The following NEURL4 variants were observed in gnomAD, a reference collection of about 807,000 sequenced individuals.
NEURL4 encodes the protein neuralized-like protein 4.
Under a neutral mutation model 148.0 loss-of-function variants are expected in NEURL4, and 45 were observed. The ratio of observed to expected loss-of-function variants is 0.30; its 90% CI spans 0.24 to 0.39. The LOEUF (loss-of-function observed/expected upper bound fraction) is 0.39, where lower values mean the gene tolerates loss of function less well. Among genes scored for constraint, NEURL4 ranks in the 10% least tolerant of loss-of-function variants. The pLI, the probability that NEURL4 is intolerant of heterozygous loss-of-function variation, is 1.00. For missense variants in NEURL4, 1,776 were observed against 2,144.0 expected, an observed-to-expected ratio of 0.83 and a Z score of 3.39; for synonymous variants, 854 against 869.0, an observed-to-expected ratio of 0.98 and a Z score of 0.30.
In NEURL4 at chr17:7,318,500, C is replaced by T; in HGVS notation, c.3859G>A (p.Glu1287Lys). Residue 1287 changes from glutamate to lysine, a missense_variant, in exon 23 of 29, where the codon GAG becomes AAG. Coordinates refer to ENST00000399464, the MANE Select transcript of NEURL4 (RefSeq NM_032442.3). This position sits in a 1 kb window ranked among gnomAD's most constrained non-coding sequence, Gnocchi z 4.3. The stretch of plus-strand genomic sequence containing the variant: ...CTGCCCCCACTGCCACTAACCTGCT[C>T]ACACTGCCCATAGAGGTCCACAAGC... ...HALVDLYGQC[E>K]QVTIVNPEPG... 6.2e-7 allele frequency: 1 copy of T among 1,606,948 alleles called. No individual in the cohort carries two copies. The highest frequency in any genetic ancestry group is 8.5e-7 in the Non-Finnish European group (1 of 1,175,678).
chr17:7,321,132 C>T lies in NEURL4; in HGVS notation c.3340G>A (p.Gly1114Ser). 6.2e-7 allele frequency: 1 copy of T among 1,613,808 alleles called. No homozygotes were observed. The highest frequency in any genetic ancestry group is 8.5e-7 in the Non-Finnish European group (1 of 1,179,968). The change falls in exon 20 of 29, where the codon GGC (glycine) becomes AGC (serine). Residue 1114 changes from glycine (G) to serine (S), a missense_variant. Coordinates refer to ENST00000399464, the MANE Select transcript of NEURL4 (RefSeq NM_032442.3). The surrounding 1 kb of genome is among the most constrained non-coding windows in gnomAD (Gnocchi z 6.3). ...TGSEGEEDDEGEEHGLGGQNE... is the reference protein window; with the variant it reads ...TGSEGEEDDESEEHGLGGQNE... ...CTTACTCCCAGGCCATGCTCCTCGC[C>T]CTCGTCATCCTCCTCGCCCTCACTG...
Position 7,323,130 on chromosome 17 carries a change from G to C in NEURL4, c.2418-7C>G. 2 of 1,607,854 alleles carry C rather than the reference G, an allele frequency of 1.2e-6. No individual in the cohort carries two copies. The highest frequency in any genetic ancestry group is 1.7e-6 in the Non-Finnish European group (2 of 1,175,406). On this transcript the variant is annotated splice_polypyrimidine_tract_variant and splice_region_variant and intron_variant, in intron 14 of 28. Transcript: ENST00000399464. ...TTGCATGATGGCTGTACCACTGGGG[G>C]GATGGCAGAAGGGGTGAGTCAGCCT...
Position 7,324,159 on chromosome 17 carries a change from C to A in NEURL4, c.2011G>T (p.Val671Phe). 6.2e-7 allele frequency: 1 copy of A among 1,613,776 alleles called. No homozygotes were observed. ...AWNVPPGVYA[V>F]VDLYGQAAQA... ...GCCGCCTGGCCATAGAGATCGACGA[C>A]AGCATAGACGCCCGGGGGCACGTTC... is the stretch of plus-strand genomic sequence containing the variant. Residue 671 changes from valine to phenylalanine, a missense_variant, in exon 11 of 29, where the codon GTC becomes TTC. Physicochemically the swap from Val to Phe is conservative, Grantham distance 50 (BLOSUM62 -1). Transcript: ENST00000399464. The surrounding 1 kb of genome is among the most constrained non-coding windows in gnomAD (Gnocchi z 5.9).
At chr17:7,323,343 C>A in intron 14 of NEURL4, 142 bp downstream of exon 14, 1 of 999,686 alleles carries the variant, frequency 1.0e-6, no homozygotes, top group Non-Finnish European at 1.5e-6. Context: ...CTGGGCAGGA[C>A]TTCCCAGAAT....
chr17:7,321,366 C>A lies in NEURL4; in HGVS notation c.3193G>T (p.Ala1065Ser), dbSNP rs748523029. 6.2e-7 allele frequency: 1 copy of A among 1,614,048 alleles called. No individual in the cohort carries two copies. Residue 1065 changes from alanine to serine, a missense_variant, in exon 19 of 29, where the codon GCC becomes TCC. Ala to Ser is a moderately conservative substitution (Grantham distance 99). Coordinates refer to ENST00000399464, the MANE Select transcript of NEURL4 (RefSeq NM_032442.3). The surrounding 1 kb of genome is among the most constrained non-coding windows in gnomAD (Gnocchi z 6.3). ...AAGGAAGCGTTCAGGTCTACCTTGG[C>A]AATGCCAGTGGCTGCAGGCCCCATA... ...EDMGPAATGI[A>S]KNVWAVLDLY...
rs2073026484 is a variant in NEURL4 at position 7,321,095 on chromosome 17, A to G, written c.3360+17T>C. The G allele has an allele frequency of 1.9e-6, 3 of 1,612,160 alleles. No individual in the cohort carries two copies. The highest frequency in any genetic ancestry group is 2.5e-6 in the Non-Finnish European group (3 of 1,179,022). On this transcript the variant is annotated intron_variant, in intron 20 of 28. Transcript: ENST00000399464. This position sits in a 1 kb window ranked among gnomAD's most constrained non-coding sequence, Gnocchi z 6.3. ...TGCCCATCCATGTGCACAGCAGACC[A>G]TGCTGCAGCCTCTTACTCCCAGGCC...
In NEURL4 at chr17:7,315,989, A is replaced by G. The variant is rs1182577828; in HGVS notation, c.*134T>C. 2 of 656,108 alleles carry G rather than the reference A, an allele frequency of 3.0e-6. No homozygotes were observed. The highest frequency in any genetic ancestry group is 5.6e-6 in the Non-Finnish European group (2 of 357,916). 40.6% of individuals were successfully genotyped at this position (656,108 alleles called of 1,614,324 possible). On this transcript the variant is annotated 3_prime_UTR_variant, in exon 29 of 29. Coordinates refer to ENST00000399464, the MANE Select transcript of NEURL4 (RefSeq NM_032442.3). ...GCCACCTACATCTGAGAGCCTGCCT[A>G]CATGCTCCTGCGCGGCTGCCAAGCT...
chr17:7,318,245 C>G lies in NEURL4; in HGVS notation c.3952+24G>C. ...GAGGGTGGGGGAGTAGGGGCAGGAG[C>G]TGGGTCCCTTTGGGCTGGCACACCG... On this transcript the variant is annotated intron_variant, in intron 24 of 28. Coordinates refer to ENST00000399464, the MANE Select transcript of NEURL4 (RefSeq NM_032442.3). The surrounding 1 kb of genome is among the most constrained non-coding windows in gnomAD (Gnocchi z 4.3). 1 of 1,612,942 alleles carries G rather than the reference C, an allele frequency of 6.2e-7. No homozygotes were observed. Among genetic ancestry groups the G allele is most frequent in the Non-Finnish European group, 8.5e-7 (1 of 1,178,906 alleles).
Position 7,325,314 on chromosome 17 carries a change from C to A in NEURL4, c.1526G>T (p.Arg509Leu). 6.2e-7 allele frequency: 1 copy of A among 1,612,826 alleles called. No homozygotes were observed. Among genetic ancestry groups the A allele is most frequent in the Non-Finnish European group, 8.5e-7 (1 of 1,179,626 alleles). The change falls in exon 8 of 29, where the codon CGT becomes CTT. Residue 509 changes from arginine (R) to leucine (L), a missense_variant. Transcript: ENST00000399464. ...RALSPEGALR[R>L]AAPAAQAEPE... is the part of the protein sequence containing the mutation. ...TTCTGCCTGGGCGGCAGGGGCAGCA[C>A]GGCGGAGAGCACCCTCGGGGGACAG... is the stretch of plus-strand genomic sequence containing the variant.
rs936182216 is a variant in NEURL4 at position 7,315,731 on chromosome 17, G to A, written c.*392C>T. The A allele has an allele frequency of 2.2e-6, 1 of 454,704 alleles. No individual in the cohort carries two copies. Among genetic ancestry groups the A allele is most frequent in the South Asian group, 5.0e-5 (1 of 20,024 alleles). 28.2% of individuals were successfully genotyped at this position (454,704 alleles called of 1,614,324 possible). On this transcript the variant is annotated 3_prime_UTR_variant, in exon 29 of 29. Transcript: ENST00000399464. ...CGCCCACCCTTCCCCACTCCCGCCC[G>A]GTGGCCCCGGAAAAAGCAGCTTCAT...
chr17:7,326,698 G>T lies in NEURL4; in HGVS notation c.1092+13C>A, dbSNP rs765887881. The T allele has an allele frequency of 6.2e-7, 1 of 1,608,846 alleles. No individual in the cohort carries two copies. The highest frequency in any genetic ancestry group is 1.7e-5 in the Admixed American group (1 of 58,652). On this transcript the variant is annotated intron_variant, in intron 4 of 28. Transcript: ENST00000399464. The surrounding 1 kb of genome is among the most constrained non-coding windows in gnomAD (Gnocchi z 6.0). ...GGGATAAGGCGCCAACCAGACCACA[G>T]GACTTTGCACACCTCAAACATCTCA...
rs749293128 is a variant in NEURL4 at position 7,316,460 on chromosome 17, G to A, written c.4485-133C>T. ...ACCTTATGGGAACTTCGCTCTAGCT[G>A]TTCTACCTGAAATGCTCTTCCTCCC... On this transcript the variant is annotated intron_variant, in intron 28 of 28. Transcript: ENST00000399464. The A allele has an allele frequency of 9.4e-5, 64 of 677,848 alleles. No homozygotes were observed. In the East Asian group the frequency reaches 1.3e-3, roughly 14 times the overall value. The allele number at this position is 677,848 out of a possible 1,614,324, so 42.0% of individuals were successfully genotyped here.
Position 7,326,769 on chromosome 17 carries a change from T to G in NEURL4, c.1034A>C (p.Glu345Ala), listed in dbSNP as rs1439678111. ...GGTCATGACAACCCCATTGTTGAATTCATCCAGGGGCCGCCGGCGCTCAGC... is the reference window on the plus strand; with the variant it reads ...GGTCATGACAACCCCATTGTTGAATGCATCCAGGGGCCGCCGGCGCTCAGC... ...KTAERRRPLD[E>A]FNNGVVMTNR... The change falls in exon 4 of 29, where the codon GAA becomes GCA. Residue 345 changes from glutamate (E) to alanine (A), a missense_variant. Transcript: ENST00000399464. This position sits in a 1 kb window ranked among gnomAD's most constrained non-coding sequence, Gnocchi z 6.0. 3 of 1,613,030 alleles carry G rather than the reference T, an allele frequency of 1.9e-6. No individual in the cohort carries two copies. Among genetic ancestry groups the G allele is most frequent in the Non-Finnish European group, 2.5e-6 (3 of 1,179,790 alleles).
In NEURL4 at chr17:7,321,086, C is replaced by A. The variant is rs370736095; in HGVS notation, c.3360+26G>T. On this transcript the variant is annotated intron_variant, in intron 20 of 28. Transcript: ENST00000399464. The surrounding 1 kb of genome is among the most constrained non-coding windows in gnomAD (Gnocchi z 6.3). ...CCCAGCAACTGCCCATCCATGTGCA[C>A]AGCAGACCATGCTGCAGCCTCTTAC... The A allele has an allele frequency of 3.1e-6, 5 of 1,611,080 alleles. No individual in the cohort carries two copies. In the African/African-American group the frequency reaches 6.7e-5, roughly 22 times the overall value.
chr17:7,316,409 C>T, intron 28 of NEURL4, 82 bp from the exon 29 acceptor site: 1 of 1,086,620 alleles, frequency 9.2e-7, no homozygotes, highest in Non-Finnish European at 1.4e-6. Flanking sequence ...ACCACACAAG[C>T]CTTGCTGTAC....
intron 8 of NEURL4, 48 bp from the exon 9 acceptor site, chr17:7,325,028 A>G: frequency 6.2e-7 from 1 of 1,604,490 alleles, no homozygotes; most frequent in Non-Finnish European, 8.5e-7. Context: ...CACGCTCTCA[A>G]TGTGCCAAGG....
Position 7,320,801 on chromosome 17 carries a change from G to A in NEURL4, c.3483C>T (p.Ile1161=), listed in dbSNP as rs375197335. 2.3e-5 allele frequency: 37 copies of A among 1,614,116 alleles called. No homozygotes were observed. The African/African-American group carries it at 2.9e-4, about 13-fold the overall frequency. ...GCACCAGAGGTTGGTTGATGACAAC[G>A]ATGCCCTGATTGTAGCTGGCCACCC... The part of the protein sequence containing the change: ...ATRVASYNQG[I]VVINQPLVPQ... Residue 1161 remains isoleucine, a synonymous_variant, in exon 21 of 29, where the codon ATC becomes ATT. Transcript: ENST00000399464.
chr17:7,316,751 G>A (rs865934961), intron 28 of NEURL4, among the ~76,000 whole-genome samples: 5 of 152,024 alleles, frequency 3.3e-5, no homozygotes, highest in Admixed American at 6.6e-5. Context: ...GCGAAACCCC[G>A]TCTCTACTAA....
rs764402997 is a variant in NEURL4 at position 7,318,462 on chromosome 17, G to T, written c.3864+33C>A. The T allele has an allele frequency of 6.2e-6, 10 of 1,602,062 alleles. No homozygotes were observed. Among genetic ancestry groups the T allele is most frequent in the Non-Finnish European group, 7.7e-6 (9 of 1,172,438 alleles). On this transcript the variant is annotated intron_variant, in intron 23 of 28. Transcript: ENST00000399464. The surrounding 1 kb of genome is among the most constrained non-coding windows in gnomAD (Gnocchi z 4.3). ...TGTCCTGGACAGCGCAGACTCTCAG[G>T]CACCCCTCCTCCCTGCCCCCACTGC... is the stretch of plus-strand genomic sequence containing the variant.
Sources: gnomAD v4.1 joint callset for allele counts (sites outside exome capture counted in the v4.1 genomes callset) on GRCh38, gnomAD v4.1.1 for gene constraint, Gnocchi (gnomAD v3.1) non-coding constraint, MANE v1.5 for transcripts, NCBI Gene and HGNC (gene_info 2026-07-23, HGNC 2026-07-21) for gene names.